KIF5C: variants seen among roughly 807,000 people sequenced by gnomAD.
KIF5C encodes the protein kinesin heavy chain isoform 5C.
A neutral mutation model predicts 125.2 loss-of-function variants in KIF5C; 18 were observed. That is an observed-to-expected ratio of 0.14 (90% CI 0.10 to 0.21). The LOEUF is 0.21. KIF5C is among the 10% of genes least tolerant of loss of function. KIF5C has a pLI of 1.00. For synonymous variants in KIF5C, 405 were observed against 434.0 expected, an observed-to-expected ratio of 0.93 and a Z score of 0.83; for missense variants, 780 against 1,183.8, an observed-to-expected ratio of 0.66 and a Z score of 5.01.
intron 3 of KIF5C, among the ~76,000 whole-genome samples, chr2:148,934,434 G>T (rs1419292106): frequency 1.4e-5 from 2 of 143,484 alleles, no homozygotes; most frequent in African/African-American, 5.2e-5. Context: ...ACCACACATT[G>T]TATGGCATAC....
chr2:148,935,099 T>C (rs1182982778), intron 3 of KIF5C: 1 of 401,936 alleles, frequency 2.5e-6, no homozygotes, highest in Non-Finnish European at 5.0e-6. Context: ...GGCATTATTA[T>C]GAGAACACTC....
At position 148,997,541 on chromosome 2, in the gene KIF5C, G is replaced by A. The variant is rs189562666; in HGVS notation, c.2100+201G>A. 18 of 920,800 alleles carry A rather than the reference G, an allele frequency of 2.0e-5. No homozygotes were observed. The East Asian group carries it at 4.3e-4, about 22-fold the overall frequency. 57.0% of individuals were successfully genotyped at this position (920,800 alleles called of 1,614,324 possible). On this transcript the variant is annotated intron_variant, in intron 18 of 25. Transcript: ENST00000435030. ...CAAGTCCAGAAACCCCAAGATGTCT[G>A]TAGAGAATGGTTAAGTTGCGTTAAT...
chr2:148,903,491 C>A (rs1166954435), intron 1 of KIF5C, among the ~76,000 whole-genome samples: 1 of 152,184 alleles, frequency 6.6e-6, no homozygotes, highest in Non-Finnish European at 1.5e-5. Flanking sequence ...CGAACACACC[C>A]TTACTGCTGT....
chr2:148,920,102 T>C (rs4303665), intron 1 of KIF5C, among the ~76,000 whole-genome samples: 117,629 of 152,172 alleles, frequency 0.77, 49,215 homozygotes, highest in East Asian at 0.96. Flanking sequence ...GGAGTCCTTT[T>C]TTTTTTGTAC....
rs1681401641 is a variant in KIF5C at position 148,987,197 on chromosome 2, T to TGTTGA, written c.1716+3431_1716+3432insGTTGA. Among the ~76,000 whole-genome samples the TGTTGA allele has an allele frequency of 3.5e-4, 54 of 152,326 alleles. 2 individuals are homozygous for TGTTGA. The South Asian group carries it at 0.011, about 31-fold the overall frequency. On this transcript the variant is annotated intron_variant, in intron 15 of 25. Coordinates refer to ENST00000435030, the MANE Select transcript of KIF5C (RefSeq NM_004522.3). Reference sequence around the variant, plus strand: ...TTATTCAACAGGTTACAGGAGGAGCTATGAAGATTCATGAAGGAGTGGCAT... The same window carrying TGTTGA: ...TTATTCAACAGGTTACAGGAGGAGCTGTTGAATGAAGATTCATGAAGGAGTGGCAT...
intron 10 of KIF5C, among the ~76,000 whole-genome samples, chr2:148,953,520 A>G (rs1682718292): frequency 6.6e-6 from 1 of 152,218 alleles, no homozygotes; most frequent in Non-Finnish European, 1.5e-5. Context: ...ATCGGATTAG[A>G]CATGGTATGT....
At chr2:149,014,828 G>T (rs943978819) in intron 25 of KIF5C, among the ~76,000 whole-genome samples, 4 of 152,172 alleles carry the variant, frequency 2.6e-5, no homozygotes, top group Non-Finnish European at 5.9e-5. Flanking sequence ...CCTGGCGACT[G>T]GATAGGGAAG....
In KIF5C at chr2:149,024,527, TG is replaced by T. The variant is rs1682630736; in HGVS notation, c.*1458del. Reference sequence around the variant, plus strand: ...CGAAGGTAGCTCAAGTGTGTGTGTGTGTGTGTGTGTGTGTGTGTGTGTGTGT... The same window carrying T: ...CGAAGGTAGCTCAAGTGTGTGTGTGTTGTGTGTGTGTGTGTGTGTGTGTGT... On this transcript the variant is annotated 3_prime_UTR_variant, in exon 26 of 26. Transcript: ENST00000435030. 3.5e-5 allele frequency: 5 copies of T among 142,916 alleles called. No homozygotes were observed. The East Asian group carries it at 1.0e-3, about 30-fold the overall frequency. 8.9% of individuals were successfully genotyped at this position (142,916 alleles called of 1,614,324 possible).
chr2:148,986,617 T>G (rs1229684786), intron 15 of KIF5C, among the ~76,000 whole-genome samples: 1 of 152,244 alleles, frequency 6.6e-6, no homozygotes, highest in African/African-American at 2.4e-5. Context: ...GTAATTCTTT[T>G]GATATAGGAA....
chr2:148,923,976 A>G (rs1681891675), intron 2 of KIF5C, among the ~76,000 whole-genome samples: 1 of 152,224 alleles, frequency 6.6e-6, no homozygotes, highest in South Asian at 2.1e-4. Flanking sequence ...AAAGAAAACC[A>G]TCTAGCAGAA....
At chr2:148,930,751 C>T (rs970170723) in intron 3 of KIF5C, among the ~76,000 whole-genome samples, 1 of 152,198 alleles carries the variant, frequency 6.6e-6, no homozygotes, top group African/African-American at 2.4e-5. Flanking sequence ...GGTTCAGAGA[C>T]TGCACAGATT....
intron 2 of KIF5C, among the ~76,000 whole-genome samples, chr2:148,922,823 A>G (rs73966647): frequency 0.17 from 26,201 of 152,198 alleles, 3,711 homozygotes; most frequent in African/African-American, 0.39. Flanking sequence ...CCTGACATTT[A>G]TTCCTCCAAA....
At chr2:148,897,450 A>G (rs1680719046) in intron 1 of KIF5C, among the ~76,000 whole-genome samples, 1 of 152,146 alleles carries the variant, frequency 6.6e-6, no homozygotes, top group Non-Finnish European at 1.5e-5. Context: ...AGCATTCTCT[A>G]GTCCTGCTCA....
intron 14 of KIF5C, 132 bp downstream of exon 14, chr2:148,981,693 A>G (rs909032022): frequency 1.4e-5 from 19 of 1,391,238 alleles, no homozygotes; most frequent in Non-Finnish European, 1.7e-5. Flanking sequence ...GCATTCTCTG[A>G]GGTCCCTCCA....
intron 1 of KIF5C, among the ~76,000 whole-genome samples, chr2:148,881,962 A>C (rs1681371978): frequency 6.6e-6 from 1 of 152,098 alleles, no homozygotes; most frequent in South Asian, 2.1e-4. Flanking sequence ...ATCCAGTCTC[A>C]CCTTACTTTC....
Position 148,942,691 on chromosome 2 carries a change from G to A in KIF5C, c.520G>A (p.Val174Met). 2 of 1,610,996 alleles carry A rather than the reference G, an allele frequency of 1.2e-6. No homozygotes were observed. The highest frequency in any genetic ancestry group is 1.7e-6 in the Non-Finnish European group (2 of 1,178,828). The change falls in exon 7 of 26, where the codon GTG (valine) becomes ATG (methionine). Residue 174 changes from valine (V) to methionine (M), a missense_variant. Coordinates refer to ENST00000435030, the MANE Select transcript of KIF5C (RefSeq NM_004522.3). ...PYVKGCTERF[V>M]SSPEEVMDVI... ...CTTCCAGGGGTGCACTGAGCGGTTTGTGTCGAGCCCTGAGGAAGTCATGGA... is the reference window on the plus strand; with the variant it reads ...CTTCCAGGGGTGCACTGAGCGGTTTATGTCGAGCCCTGAGGAAGTCATGGA...
At chr2:148,994,331 T>A in intron 16 of KIF5C, 90 bp from the exon 17 acceptor site, 3 of 1,492,576 alleles carry the variant, frequency 2.0e-6, no homozygotes, top group Non-Finnish European at 9.0e-7. Flanking sequence ...CAGGAACCCC[T>A]CCTCTCTCGC....
intron 24 of KIF5C, among the ~76,000 whole-genome samples, chr2:149,010,979 A>T (rs1036725528): frequency 6.6e-6 from 1 of 151,926 alleles, no homozygotes; most frequent in Non-Finnish European, 1.5e-5. Context: ...CAATTTAGGA[A>T]TATTCTCTAA....
Position 149,008,767 on chromosome 2 carries a change from A to G in KIF5C, c.2550+700A>G, listed in dbSNP as rs555486843. Reference sequence around the variant, plus strand: ...GAAACGGCCCAAGTTTTTAGACCACATGGCCGAGGAGATGTCATTTCTCTT... The same window carrying G: ...GAAACGGCCCAAGTTTTTAGACCACGTGGCCGAGGAGATGTCATTTCTCTT... On this transcript the variant is annotated intron_variant, in intron 23 of 25. Coordinates refer to ENST00000435030, the MANE Select transcript of KIF5C (RefSeq NM_004522.3). Among the ~76,000 whole-genome samples, 7 of 152,208 alleles carry G rather than the reference A, an allele frequency of 4.6e-5. No homozygotes were observed. In the South Asian group the frequency reaches 1.2e-3, roughly 27 times the overall value.
Sources: allele counts gnomAD v4.1 joint callset (sites outside exome capture counted in the v4.1 genomes callset), GRCh38; gene constraint gnomAD v4.1.1; transcripts MANE v1.5; gene names NCBI Gene and HGNC (gene_info 2026-07-23, HGNC 2026-07-21).